The following TRPC1 variants were observed in gnomAD, a reference collection of about 807,000 sequenced individuals.
TRPC1 encodes the protein short transient receptor potential channel 1.
A neutral mutation model predicts 88.2 loss-of-function variants in TRPC1; 42 were observed. The observed-to-expected ratio is 0.48, with a 90% confidence interval of 0.37 to 0.62. The LOEUF is 0.62. Ranked by LOEUF, TRPC1 falls within the 20% of genes least tolerant of loss-of-function variation. The pLI, the probability that TRPC1 is intolerant of heterozygous loss-of-function variation, is 0.00. For missense variants in TRPC1, 699 were observed against 957.3 expected (o/e 0.73, Z 3.56); for synonymous variants, 288 against 331.8 (o/e 0.87, Z 1.43).
In TRPC1 at chr3:142,806,452, C is replaced by T; in HGVS notation, c.*217C>T. On this transcript the variant is annotated 3_prime_UTR_variant, in exon 13 of 13. Coordinates refer to ENST00000476941, the MANE Select transcript of TRPC1 (RefSeq NM_001251845.2). ...TTAGTGGCTTTTTGCAGAAGCAAAA[C>T]AGATTAAGTAGATAGATTTTGTTAG... is the stretch of plus-strand genomic sequence containing the variant. The T allele has an allele frequency of 2.9e-6, 1 of 346,818 alleles. No homozygotes were observed. 21.5% of individuals were successfully genotyped at this position (346,818 alleles called of 1,614,324 possible).
At chr3:142,778,377 C>A (rs1217610810) in intron 5 of TRPC1, among the ~76,000 whole-genome samples, 1 of 149,530 alleles carries the variant, frequency 6.7e-6, no homozygotes, top group African/African-American at 2.5e-5. Flanking sequence ...CTTGGCATAC[C>A]AAAGAAGCAC....
chr3:142,760,205 T>C (rs1935136764), intron 4 of TRPC1, among the ~76,000 whole-genome samples: 2 of 152,192 alleles, frequency 1.3e-5, no homozygotes, highest in Non-Finnish European at 2.9e-5. Flanking sequence ...CAATGTTTAA[T>C]TTGAGGTTGT....
At chr3:142,764,029 A>T (rs1935301818) in intron 4 of TRPC1, among the ~76,000 whole-genome samples, 1 of 130,654 alleles carries the variant, frequency 7.7e-6, no homozygotes, top group East Asian at 2.2e-4. Flanking sequence ...AAATTATTTT[A>T]AAGAGATGAC....
intron 7 of TRPC1, 176 bp downstream of exon 7, chr3:142,785,216 G>T: frequency 4.0e-6 from 2 of 498,158 alleles, no homozygotes; most frequent in Non-Finnish European, 3.4e-6. Flanking sequence ...AAAGATAAAT[G>T]TTCCTGAACT....
At chr3:142,733,269 T>C (rs1006741918) in intron 1 of TRPC1, among the ~76,000 whole-genome samples, 3 of 152,214 alleles carry the variant, frequency 2.0e-5, no homozygotes, top group Non-Finnish European at 4.4e-5. Context: ...CTCAGCACTT[T>C]GGGAGGCCAA....
chr3:142,784,770 C>A lies in TRPC1; in HGVS notation c.1027C>A (p.Arg343=). Residue 343 remains arginine (R), a synonymous_variant, in exon 7 of 13, where the codon CGA becomes AGA. Transcript: ENST00000476941. ...TVWFGQMSGY[R]RKPTCKKIMT... ...TTGGTTTGGACAGATGTCGGGTTAC[C>A]GACGCAAGCCCACCTGTAAGAAGAT... 2.5e-6 allele frequency: 4 copies of A among 1,614,056 alleles called. No homozygotes were observed. The highest frequency in any genetic ancestry group is 8.5e-7 in the Non-Finnish European group (1 of 1,179,998).
At chr3:142,770,339 C>T (rs921233522) in intron 4 of TRPC1, among the ~76,000 whole-genome samples, 13 of 151,982 alleles carry the variant, frequency 8.6e-5, no homozygotes, top group East Asian at 1.9e-4. Context: ...TCAAGTAATC[C>T]GCCCGCCTCA....
At chr3:142,802,092 T>G in intron 9 of TRPC1, 77 bp from the exon 10 acceptor site, 2 of 1,030,648 alleles carry the variant, frequency 1.9e-6, no homozygotes, top group Non-Finnish European at 2.7e-6. Flanking sequence ...CTTCTTCCTT[T>G]TGTTGCTGGG....
chr3:142,730,219 A>G (rs569912993), intron 1 of TRPC1, among the ~76,000 whole-genome samples: 4 of 152,148 alleles, frequency 2.6e-5, no homozygotes, highest in South Asian at 2.1e-4. Context: ...GCTTTTGACT[A>G]TTTTTCTAAT....
intron 4 of TRPC1, among the ~76,000 whole-genome samples, chr3:142,770,200 G>A (rs1935531103): frequency 6.8e-6 from 1 of 147,500 alleles, no homozygotes; most frequent in Non-Finnish European, 1.5e-5. Context: ...GGGTTCAAGT[G>A]ATTCTTTTGC....
At chr3:142,726,992 G>C (rs1933699933) in intron 1 of TRPC1, among the ~76,000 whole-genome samples, 1 of 152,186 alleles carries the variant, frequency 6.6e-6, no homozygotes. Context: ...GGTTACATTG[G>C]TTAGATAATA....
chr3:142,766,879 C>G (rs1321245142), intron 4 of TRPC1, among the ~76,000 whole-genome samples: 1 of 152,186 alleles, frequency 6.6e-6, no homozygotes, highest in Non-Finnish European at 1.5e-5. Context: ...CTAGAGAACT[C>G]TAATACACAC....
intron 4 of TRPC1, among the ~76,000 whole-genome samples, chr3:142,763,021 G>T (rs545129856): frequency 2.0e-5 from 3 of 151,950 alleles, no homozygotes; most frequent in Non-Finnish European, 4.4e-5. Context: ...TATTCCATAT[G>T]GTCAGAAAAG....
At chr3:142,740,266 T>C (rs1180885178) in intron 2 of TRPC1, among the ~76,000 whole-genome samples, 2 of 152,166 alleles carry the variant, frequency 1.3e-5, no homozygotes, top group African/African-American at 4.8e-5. Context: ...ATCTTAAACG[T>C]GGGTGACTAA....
At chr3:142,736,305 C>G (rs1934135485) in intron 1 of TRPC1, 74 bp from the exon 2 acceptor site, 3 of 1,166,728 alleles carry the variant, frequency 2.6e-6, no homozygotes, top group South Asian at 4.7e-5. Context: ...ATTCAACAAG[C>G]TAAGTTTTTC....
chr3:142,743,653 AT>A, intron 3 of TRPC1, 67 bp downstream of exon 3: 5 of 959,428 alleles, frequency 5.2e-6, no homozygotes, highest in South Asian at 2.6e-5. Context: ...CCCCATTGCC[AT>A]TTTTTCCTTC....
intron 1 of TRPC1, among the ~76,000 whole-genome samples, chr3:142,728,463 TG>T (rs1164892036): frequency 6.6e-6 from 1 of 151,830 alleles, no homozygotes; most frequent in Non-Finnish European, 1.5e-5. Flanking sequence ...GGATTACAGG[TG>T]CCCACCACCA....
chr3:142,749,575 G>A (rs1269737521), intron 4 of TRPC1, among the ~76,000 whole-genome samples: 1 of 152,102 alleles, frequency 6.6e-6, no homozygotes, highest in African/African-American at 2.4e-5. Context: ...GTATGTTTGT[G>A]TCTTAATTTT....
At chr3:142,781,232 G>A (rs1463834486) in intron 6 of TRPC1, among the ~76,000 whole-genome samples, 1 of 152,074 alleles carries the variant, frequency 6.6e-6, no homozygotes, top group Non-Finnish European at 1.5e-5. Flanking sequence ...GTTTAGCACA[G>A]TAAGTATTAG....
Sources: allele counts gnomAD v4.1 joint callset (sites outside exome capture counted in the v4.1 genomes callset), GRCh38; gene constraint gnomAD v4.1.1; transcripts MANE v1.5; gene names NCBI Gene and HGNC (gene_info 2026-07-23, HGNC 2026-07-21).